Variants in CCNB1 observed in about 807,000 individuals in gnomAD.
CCNB1 encodes G2/mitotic-specific cyclin-B1.
Under a neutral mutation model 44.4 loss-of-function variants are expected in CCNB1, and 26 were observed. That is an observed-to-expected ratio of 0.59 (90% CI 0.43 to 0.81). The LOEUF (loss-of-function observed/expected upper bound fraction) is 0.81. CCNB1 is among the 40% of genes least tolerant of loss of function. The probability of loss-of-function intolerance (pLI) is 0.00; values close to 1 mark genes in which losing one functional copy is unlikely to be tolerated. For synonymous variants in CCNB1, 195 were observed against 181.4 expected (o/e 1.08, Z -0.60); for missense variants, 477 against 520.9 (o/e 0.92, Z 0.82).
At position 69,177,661 on chromosome 5, in the gene CCNB1, T is replaced by C. The variant is rs1266296368; in HGVS notation, c.*30T>C. 5.1e-6 allele frequency: 7 copies of C among 1,368,202 alleles called. No homozygotes were observed. The highest frequency in any genetic ancestry group is 7.3e-6 in the Non-Finnish European group (7 of 963,666). 84.8% of individuals were successfully genotyped at this position (1,368,202 alleles called of 1,614,324 possible). ...TAAACTTGAGTTGGAGTACTATATT[T>C]ACAAATAAAATTGGCACCATGTGCC... is the stretch of plus-strand genomic sequence containing the variant. On this transcript the variant is annotated 3_prime_UTR_variant, in exon 9 of 9. Coordinates refer to ENST00000256442, the MANE Select transcript of CCNB1 (RefSeq NM_031966.4).
intron 3 of CCNB1, 68 bp from the exon 4 acceptor site, chr5:69,171,202 C>T (rs1285713494): frequency 8.1e-7 from 1 of 1,235,392 alleles, no homozygotes; most frequent in Admixed American, 2.3e-5. Context: ...TACCAATAAC[C>T]TGAACTTCAT....
intron 7 of CCNB1, 60 bp from the exon 8 acceptor site, chr5:69,177,179 A>G (rs1394428296): frequency 3.2e-6 from 3 of 943,606 alleles, no homozygotes; most frequent in Admixed American, 1.9e-5. Flanking sequence ...TCTAACATCT[A>G]GAAACTTTAT....
chr5:69,167,371 A>G, intron 1 of CCNB1, 88 bp downstream of exon 1: 4 of 1,492,184 alleles, frequency 2.7e-6, no homozygotes, highest in Non-Finnish European at 2.8e-6. Flanking sequence ...CCCGAGCGGG[A>G]GAGGGCCGCA....
At chr5:69,171,741 G>A (rs1318844000) in intron 4 of CCNB1, among the ~76,000 whole-genome samples, 6 of 152,124 alleles carry the variant, frequency 3.9e-5, no homozygotes, top group Non-Finnish European at 5.9e-5. Context: ...TCTCCACCAC[G>A]TTTGGAATGG....
intron 3 of CCNB1, among the ~76,000 whole-genome samples, chr5:69,170,010 C>G (rs1232586150): frequency 6.6e-6 from 1 of 151,310 alleles, no homozygotes; most frequent in Non-Finnish European, 1.5e-5. Flanking sequence ...GTCACCCAGG[C>G]TGGAGCACAA....
At position 69,167,963 on chromosome 5, in the gene CCNB1, G is replaced by A. The variant is rs762338775; in HGVS notation, c.77G>A (p.Arg26His). 2 of 1,614,018 alleles carry A rather than the reference G, an allele frequency of 1.2e-6. No homozygotes were observed. Among genetic ancestry groups the A allele is most frequent in the South Asian group, 2.2e-5 (2 of 91,070 alleles). The change falls in exon 2 of 9, where the codon CGC becomes CAC. Residue 26 changes from arginine to histidine, a missense_variant. Transcript: ENST00000256442. ...KAKINMAGAK[R>H]VPTAPAATSK... is the part of the protein sequence containing the mutation. ...AAGATCAACATGGCAGGCGCAAAGC[G>A]CGTTCCTACGGCCCCTGCTGCAACC...
chr5:69,171,946 A>G (rs1261086884), intron 4 of CCNB1, among the ~76,000 whole-genome samples: 2 of 152,198 alleles, frequency 1.3e-5, no homozygotes. Context: ...GTTCACTTCA[A>G]TTTGATCCCA....
chr5:69,170,975 G>A (rs184909632), intron 3 of CCNB1, among the ~76,000 whole-genome samples: 7 of 151,786 alleles, frequency 4.6e-5, no homozygotes, highest in African/African-American at 1.7e-4. Context: ...ACAGAGACAG[G>A]GTTTTGCTAT....
intron 7 of CCNB1, 46 bp downstream of exon 7, chr5:69,175,583 G>T: frequency 1.3e-6 from 2 of 1,578,246 alleles, no homozygotes; most frequent in Non-Finnish European, 1.7e-6. Context: ...ATTTTAAAGA[G>T]TGACTAAATA....
chr5:69,174,814 T>A, intron 5 of CCNB1, 63 bp from the exon 6 acceptor site: 1 of 1,274,056 alleles, frequency 7.8e-7, no homozygotes, highest in South Asian at 1.2e-5. Context: ...TACCTCTCCT[T>A]CATCATAGCT....
At chr5:69,172,875 G>A (rs1357854324) in intron 4 of CCNB1, among the ~76,000 whole-genome samples, 1 of 146,562 alleles carries the variant, frequency 6.8e-6, no homozygotes, top group Non-Finnish European at 1.5e-5. Context: ...CCGGGTTCAC[G>A]CCATTCTCCT....
At chr5:69,173,722 A>G (rs141572303) in intron 4 of CCNB1, among the ~76,000 whole-genome samples, 1 of 152,320 alleles carries the variant, frequency 6.6e-6, no homozygotes, top group East Asian at 1.9e-4. Context: ...AAGACCTGAC[A>G]ATATAAAAAA....
intron 7 of CCNB1, among the ~76,000 whole-genome samples, chr5:69,175,982 A>AATATATATAT (rs68140968): frequency 0.037 from 4,239 of 115,822 alleles, 148 homozygotes; most frequent in African/African-American, 0.076. Flanking sequence ...AAATATATAA[A>AATATATATAT]ATATATATAT....
At position 69,175,512 on chromosome 5, in the gene CCNB1, T is replaced by C; in HGVS notation, c.1058T>C (p.Leu353Pro). The change falls in exon 7 of 9, where the codon CTG becomes CCG. Residue 353 changes from leucine (L) to proline (P), a missense_variant. Physicochemically the swap from Leu to Pro is moderately conservative, Grantham distance 98. Transcript: ENST00000256442. ...QIAAGAFCLALKILDNGEWTP... is the reference protein window; with the variant it reads ...QIAAGAFCLAPKILDNGEWTP... ...GCAGCAGGAGCTTTTTGCTTAGCAC[T>C]GAAAATTCTGGATAATGGTGAATGG... The C allele has an allele frequency of 6.2e-7, 1 of 1,614,162 alleles. No individual in the cohort carries two copies.
Position 69,174,287 on chromosome 5 carries a change from C to G in CCNB1, c.583C>G (p.Arg195Gly). 1.2e-6 allele frequency: 2 copies of G among 1,614,056 alleles called. No individual in the cohort carries two copies. The highest frequency in any genetic ancestry group is 1.7e-6 in the Non-Finnish European group (2 of 1,180,010). The change falls in exon 5 of 9, where the codon CGG (arginine) becomes GGG (glycine). Residue 195 changes from arginine to glycine, a missense_variant. Arg to Gly is a moderately radical substitution (Grantham distance 125). Coordinates refer to ENST00000256442, the MANE Select transcript of CCNB1 (RefSeq NM_031966.4). The stretch of plus-strand genomic sequence containing the variant: ...AGTCAGACCAAAATACCTACTGGGT[C>G]GGGAAGTCACTGGAAACATGAGAGC... ...QAVRPKYLLG[R>G]EVTGNMRAIL...
chr5:69,167,440 C>G, intron 1 of CCNB1, 157 bp downstream of exon 1: 1 of 722,856 alleles, frequency 1.4e-6, no homozygotes, highest in African/African-American at 1.8e-5. Context: ...GAGGTGGGCC[C>G]AGGCCTGGTG....
intron 7 of CCNB1, 192 bp from the exon 8 acceptor site, chr5:69,177,047 A>G (rs1747611750): frequency 2.3e-6 from 1 of 432,914 alleles, no homozygotes; most frequent in South Asian, 4.7e-5. Context: ...CAATTACAAA[A>G]GTGCAATTAG....
At chr5:69,167,338 C>G in intron 1 of CCNB1, 55 bp downstream of exon 1, 1 of 1,592,660 alleles carries the variant, frequency 6.3e-7, no homozygotes, top group Non-Finnish European at 8.5e-7. Context: ...TGCCTGCTCT[C>G]CCTGCCTCGC....
In CCNB1 at chr5:69,176,542, A is replaced by ATTT. The variant is rs1297947852; in HGVS notation, c.1084-690_1084-688dup. ...CGGCTAATTTTATATATATATATATATTTTTTTTTAGTAGAGATGGGGTTT... is the reference window on the plus strand; with the variant it reads ...CGGCTAATTTTATATATATATATATATTTTTTTTTTTTAGTAGAGATGGGGTTT... On this transcript the variant is annotated intron_variant, in intron 7 of 8. Transcript: ENST00000256442. Among the ~76,000 whole-genome samples, 206 of 146,224 alleles carry ATTT rather than the reference A, an allele frequency of 1.4e-3. 1 individual carries two copies. The highest frequency in any genetic ancestry group is 4.3e-3 in the African/African-American group (173 of 40,120).
Sources: allele counts gnomAD v4.1 joint callset (sites outside exome capture counted in the v4.1 genomes callset), GRCh38; gene constraint gnomAD v4.1.1; transcripts MANE v1.5; gene names NCBI Gene and HGNC (gene_info 2026-07-23, HGNC 2026-07-21).